Variants in UBE2W observed in about 807,000 individuals in gnomAD.
UBE2W encodes the protein ubiquitin conjugating enzyme E2 W.
In UBE2W, 18 loss-of-function variants were observed where a neutral mutation model predicts 27.2. The ratio of observed to expected loss-of-function variants is 0.66; its 90% CI spans 0.46 to 0.98. The LOEUF is 0.98. Among genes scored for constraint, UBE2W ranks in the 50% least tolerant of loss-of-function variants. The pLI is 0.00. For synonymous variants in UBE2W, 53 were observed against 57.2 expected, an observed-to-expected ratio of 0.93 and a Z score of 0.33; for missense variants, 90 against 180.2, an observed-to-expected ratio of 0.50 and a Z score of 2.87.
chr8:73,850,095 G>A (rs1811008882), intron 1 of UBE2W, among the ~76,000 whole-genome samples: 4 of 151,938 alleles, frequency 2.6e-5, no homozygotes, highest in Admixed American at 2.0e-4. Flanking sequence ...CAAACAAAAG[G>A]ATAACCGAAT....
chr8:73,846,396 C>CAAAAAG (rs929978948), intron 1 of UBE2W, among the ~76,000 whole-genome samples: 2 of 151,792 alleles, frequency 1.3e-5, no homozygotes, highest in South Asian at 2.1e-4. Context: ...AACTCCATCT[C>CAAAAAG]AAAAAGAAAA....
At chr8:73,854,833 T>C (rs1811220138) in intron 1 of UBE2W, among the ~76,000 whole-genome samples, 1 of 152,222 alleles carries the variant, frequency 6.6e-6, no homozygotes, top group African/African-American at 2.4e-5. Context: ...CTGTTATTTG[T>C]CAGTTACATA....
At chr8:73,781,134 G>A (rs1440355908) in intron 4 of UBE2W, among the ~76,000 whole-genome samples, 1 of 151,858 alleles carries the variant, frequency 6.6e-6, no homozygotes, top group Admixed American at 6.6e-5. Context: ...GCCAGGCATG[G>A]TGGCATGCGC....
At chr8:73,863,845 T>G (rs193025681) in intron 1 of UBE2W, among the ~76,000 whole-genome samples, 1 of 152,196 alleles carries the variant, frequency 6.6e-6, no homozygotes, top group Non-Finnish European at 1.5e-5. Flanking sequence ...TGGTATTTTT[T>G]TTAAAGTTTC....
At chr8:73,816,118 A>G (rs1200597200) in intron 3 of UBE2W, among the ~76,000 whole-genome samples, 1 of 152,204 alleles carries the variant, frequency 6.6e-6, no homozygotes, top group Non-Finnish European at 1.5e-5. Context: ...GTTCCCTGAT[A>G]CTCTGTAATA....
downstream of UBE2W, among the ~76,000 whole-genome samples, chr8:73,783,825 C>T (rs772988211): frequency 3.3e-5 from 5 of 152,104 alleles, no homozygotes; most frequent in Non-Finnish European, 5.9e-5. Flanking sequence ...TGCAGTGGTG[C>T]GATCTGGGCT....
At chr8:73,837,620 A>T (rs1304764175) in intron 1 of UBE2W, among the ~76,000 whole-genome samples, 4 of 152,232 alleles carry the variant, frequency 2.6e-5, no homozygotes, top group Admixed American at 2.6e-4. Flanking sequence ...AAATTGATTT[A>T]AAAATATATA....
chr8:73,878,387 C>T (rs1812329777), intron 1 of UBE2W, among the ~76,000 whole-genome samples: 1 of 152,232 alleles, frequency 6.6e-6, no homozygotes, highest in Non-Finnish European at 1.5e-5. Context: ...ACTCAGCCCC[C>T]CGCCGCCCCT....
At chr8:73,859,235 G>A (rs908590581) in intron 1 of UBE2W, among the ~76,000 whole-genome samples, 1 of 152,186 alleles carries the variant, frequency 6.6e-6, no homozygotes, top group Admixed American at 6.5e-5. Flanking sequence ...GCTGGGAATG[G>A]TGGCTCACGC....
At chr8:73,786,204 A>G (rs1807948565), downstream of UBE2W, 9 of 985,218 alleles carry the variant, frequency 9.1e-6, no homozygotes, top group Non-Finnish European at 1.1e-5. Flanking sequence ...CACCTATAAA[A>G]AAAGCCAAAA....
Position 73,789,748 on chromosome 8 carries a change from G to T in UBE2W, c.*4354C>A. On this transcript the variant is annotated 3_prime_UTR_variant, in exon 6 of 6. Coordinates refer to ENST00000602593, the MANE Select transcript of UBE2W (RefSeq NM_018299.6). ...AGCTACTCAAGAGGCTGAGGCAGGA[G>T]AATCGCTTAGACCCAGGAGGTGGAG... 1 of 265,174 alleles carries T rather than the reference G, an allele frequency of 3.8e-6. No homozygotes were observed. Among genetic ancestry groups the T allele is most frequent in the Non-Finnish European group, 5.8e-6 (1 of 171,624 alleles). The allele number at this position is 265,174 out of a possible 1,614,324, so 16.4% of individuals were successfully genotyped here.
downstream of UBE2W, chr8:73,786,216 C>G (rs1807948920): frequency 3.0e-6 from 3 of 985,128 alleles, no homozygotes; most frequent in African/African-American, 5.2e-5. Flanking sequence ...AAGCCAAAAC[C>G]AATGAAGAAT....
chr8:73,849,110 T>C (rs1389017383), intron 1 of UBE2W, among the ~76,000 whole-genome samples: 1 of 152,180 alleles, frequency 6.6e-6, no homozygotes, highest in African/African-American at 2.4e-5. Flanking sequence ...TACAGAGGTG[T>C]TAACACTGTT....
chr8:73,804,401 T>C (rs1214964548), intron 5 of UBE2W, among the ~76,000 whole-genome samples: 1 of 152,126 alleles, frequency 6.6e-6, no homozygotes, highest in Non-Finnish European at 1.5e-5. Context: ...ATACAGACTT[T>C]TTGTTTTTAA....
chr8:73,843,946 G>T (rs995233308), intron 1 of UBE2W, among the ~76,000 whole-genome samples: 1 of 152,002 alleles, frequency 6.6e-6, no homozygotes, highest in African/African-American at 2.4e-5. Flanking sequence ...TCAAGACTGC[G>T]CAACTGCACT....
intron 1 of UBE2W, among the ~76,000 whole-genome samples, chr8:73,855,996 T>A (rs567592912): frequency 1.3e-5 from 2 of 152,318 alleles, no homozygotes; most frequent in East Asian, 3.9e-4. Flanking sequence ...GTTTTATACA[T>A]AGTTTATATT....
In UBE2W at chr8:73,790,358, C is replaced by T; in HGVS notation, c.*3744G>A. The T allele has an allele frequency of 1.0e-6, 1 of 985,388 alleles. No homozygotes were observed. Among genetic ancestry groups the T allele is most frequent in the Non-Finnish European group, 1.2e-6 (1 of 829,920 alleles). 61.0% of individuals were successfully genotyped at this position (985,388 alleles called of 1,614,324 possible). On this transcript the variant is annotated 3_prime_UTR_variant, in exon 6 of 6. Coordinates refer to ENST00000602593, the MANE Select transcript of UBE2W (RefSeq NM_018299.6). ...GCCAGTTGGTGCAGATTAAAAGACA[C>T]CTTCTTCACAGACCTCAATCATGCA...
chr8:73,782,821 T>C (rs548570319), downstream of UBE2W, among the ~76,000 whole-genome samples: 17 of 152,348 alleles, frequency 1.1e-4, no homozygotes, highest in African/African-American at 3.8e-4. Context: ...AGTAGGTATG[T>C]GCATAACTTT....
At chr8:73,851,743 T>C (rs1311736940) in intron 1 of UBE2W, among the ~76,000 whole-genome samples, 1 of 151,922 alleles carries the variant, frequency 6.6e-6, no homozygotes, top group Non-Finnish European at 1.5e-5. Context: ...AGGACTTACT[T>C]AGGATGCAGA....
Sources: allele counts gnomAD v4.1 joint callset (sites outside exome capture counted in the v4.1 genomes callset), GRCh38; gene constraint gnomAD v4.1.1; transcripts MANE v1.5; gene names NCBI Gene and HGNC (gene_info 2026-07-23, HGNC 2026-07-21).